Variants in DYM observed in about 807,000 individuals in gnomAD.
The protein encoded by DYM is dyggve-Melchior-Clausen syndrome protein.
DYM carries 78 observed loss-of-function variants against 93.1 expected under a neutral mutation model. The observed-to-expected ratio is 0.84, with a 90% CI of 0.70 to 1.01. DYM has a LOEUF of 1.01. Among genes scored for constraint, DYM ranks in the 50% least tolerant of loss-of-function variants. DYM has a pLI of 0.00. For missense variants in DYM, 789 were observed against 845.0 expected, an observed-to-expected ratio of 0.93 and a Z score of 0.82; for synonymous variants, 321 against 319.7, an observed-to-expected ratio of 1.00 and a Z score of -0.04.
intron 15 of DYM, among the ~76,000 whole-genome samples, chr18:49,136,247 A>G (rs932070711): frequency 6.6e-6 from 1 of 152,204 alleles, no homozygotes; most frequent in African/African-American, 2.4e-5. Flanking sequence ...AATCCTTACT[A>G]CAGCAAGTGT....
chr18:49,418,606 A>T lies in DYM; in HGVS notation c.140+11649T>A, dbSNP rs375141958. 3.3e-5 allele frequency among the ~76,000 whole-genome samples: 5 copies of T among 152,350 alleles called. No homozygotes were observed. The East Asian group carries it at 7.7e-4, about 23-fold the overall frequency. On this transcript the variant is annotated intron_variant, in intron 2 of 17. Coordinates refer to ENST00000675505, the MANE Select transcript of DYM (RefSeq NM_001353214.3). Reference sequence around the variant, plus strand: ...TATTAGTATTTCTAAAAATTGCAGCAAACATCGATTTTTGGCTACAAAAAT... The same window carrying T: ...TATTAGTATTTCTAAAAATTGCAGCTAACATCGATTTTTGGCTACAAAAAT...
chr18:49,263,235 C>T (rs1232967885), intron 11 of DYM, among the ~76,000 whole-genome samples: 5 of 151,692 alleles, frequency 3.3e-5, no homozygotes, highest in African/African-American at 4.8e-5. Context: ...TCTCCTGCCT[C>T]GGCCTCCTGA....
intron 17 of DYM, among the ~76,000 whole-genome samples, chr18:49,095,144 T>C (rs540126994): frequency 4.6e-5 from 7 of 152,340 alleles, no homozygotes; most frequent in Admixed American, 6.5e-5. Context: ...TATAATGTGC[T>C]GTCATGTAGT....
At chr18:49,214,758 G>C (rs543517888) in intron 13 of DYM, among the ~76,000 whole-genome samples, 1 of 152,200 alleles carries the variant, frequency 6.6e-6, no homozygotes, top group South Asian at 2.1e-4. Flanking sequence ...AATTACATTA[G>C]CATAACTGAA....
At chr18:49,235,109 C>T in intron 13 of DYM, among the ~76,000 whole-genome samples, 1 of 152,160 alleles carries the variant, frequency 6.6e-6, no homozygotes, top group East Asian at 1.9e-4. Flanking sequence ...ACAGAGAAAC[C>T]AGCAGAGCCA....
At chr18:49,202,572 A>G (rs1358862053) in intron 14 of DYM, among the ~76,000 whole-genome samples, 1 of 117,806 alleles carries the variant, frequency 8.5e-6, no homozygotes, top group African/African-American at 3.3e-5. Context: ...AGCCGCCATC[A>G]CATCTAGGAA....
rs1456321360 is a variant in DYM at position 49,202,939 on chromosome 18, T to A, written c.1625+6612A>T. 1.2e-4 allele frequency among the ~76,000 whole-genome samples: 15 copies of A among 128,338 alleles called. No individual in the cohort carries two copies. In the South Asian group the frequency reaches 4.2e-3, roughly 36 times the overall value. 84.2% of individuals were successfully genotyped at this position (128,338 alleles called of 152,430 possible). ...GCCCCCCGCCTGGCCAGCCGCCCCATCCGGGAGGGAGGTGAGGGGTCAGCC... is the reference window on the plus strand; with the variant it reads ...GCCCCCCGCCTGGCCAGCCGCCCCAACCGGGAGGGAGGTGAGGGGTCAGCC... On this transcript the variant is annotated intron_variant, in intron 14 of 17. Transcript: ENST00000675505.
At chr18:49,203,520 C>G (rs1369506255) in intron 14 of DYM, among the ~76,000 whole-genome samples, 2 of 147,232 alleles carry the variant, frequency 1.4e-5, no homozygotes, top group Non-Finnish European at 3.0e-5. Context: ...AAAAATTCCT[C>G]TGCCTTGGGA....
chr18:49,247,314 A>G (rs1291875555), intron 13 of DYM, among the ~76,000 whole-genome samples: 1 of 152,208 alleles, frequency 6.6e-6, no homozygotes, highest in East Asian at 1.9e-4. Flanking sequence ...GTAATAATTT[A>G]TGATAAAAAA....
In DYM at chr18:49,329,703, G is replaced by A. The variant is rs569773093; in HGVS notation, c.763+2161C>T. 6.6e-5 allele frequency: 10 copies of A among 152,260 alleles called. No individual in the cohort carries two copies. In the East Asian group the frequency reaches 1.9e-3, roughly 29 times the overall value. 9.4% of individuals were successfully genotyped at this position (152,260 alleles called of 1,614,324 possible). A position where few individuals can be genotyped will look rare whatever the true frequency, so the allele number is the denominator to read the frequency against. ...GAACTGTAAGGTTTTCTACAACAAGGCACTCTGTTTCAAAGGAAATAATGT... is the reference window on the plus strand; with the variant it reads ...GAACTGTAAGGTTTTCTACAACAAGACACTCTGTTTCAAAGGAAATAATGT... On this transcript the variant is annotated intron_variant, in intron 8 of 17. Coordinates refer to ENST00000675505, the MANE Select transcript of DYM (RefSeq NM_001353214.3).
chr18:49,063,468 C>T (rs896256522), intron 17 of DYM, among the ~76,000 whole-genome samples: 9 of 151,948 alleles, frequency 5.9e-5, no homozygotes, highest in African/African-American at 2.2e-4. Flanking sequence ...TGGTTTAGGA[C>T]AGTCACTGTT....
At chr18:49,119,053 T>C in intron 15 of DYM, 127 bp from the exon 16 acceptor site, 1 of 787,406 alleles carries the variant, frequency 1.3e-6, no homozygotes, top group Non-Finnish European at 2.1e-6. Context: ...AAGAAGCTCA[T>C]CAAGATTATT....
chr18:49,270,554 A>C (rs1321493774), intron 11 of DYM, among the ~76,000 whole-genome samples: 1 of 152,162 alleles, frequency 6.6e-6, no homozygotes, highest in Non-Finnish European at 1.5e-5. Flanking sequence ...TTTTTGCCAA[A>C]GGAGAGTATC....
rs1166905352 is a variant in DYM at position 49,042,691 on chromosome 18, A to G, written c.*1364T>C. 6.6e-6 allele frequency: 1 copy of G among 152,240 alleles called. No homozygotes were observed. Among genetic ancestry groups the G allele is most frequent in the Non-Finnish European group, 1.5e-5 (1 of 68,046 alleles). 9.4% of individuals were successfully genotyped at this position (152,240 alleles called of 1,614,324 possible). On this transcript the variant is annotated 3_prime_UTR_variant, in exon 18 of 18. Transcript: ENST00000675505. ...TTGTGCTTTCTATGTTGAAGACCAAATACTTTTTCTTTGAGAATGAAACTA... is the reference window on the plus strand; with the variant it reads ...TTGTGCTTTCTATGTTGAAGACCAAGTACTTTTTCTTTGAGAATGAAACTA...
intron 8 of DYM, among the ~76,000 whole-genome samples, chr18:49,308,447 G>A (rs984821687): frequency 6.6e-6 from 1 of 152,130 alleles, no homozygotes; most frequent in African/African-American, 2.4e-5. Context: ...GATAGAGACA[G>A]ATGGTATCAT....
At position 49,160,338 on chromosome 18, in the gene DYM, T is replaced by A. The variant is rs9807268; in HGVS notation, c.1728+3347A>T. Among the ~76,000 whole-genome samples, 1,136 of 152,314 alleles carry A rather than the reference T, an allele frequency of 7.5e-3. 8 individuals carry two copies. Among genetic ancestry groups the A allele is most frequent in the Non-Finnish European group, 0.012 (843 of 68,018 alleles). ...AGTTGCACTAAAGTACTAATACTAATGTTTTTGGAACTTGCGATTAGCTTT... is the reference window on the plus strand; with the variant it reads ...AGTTGCACTAAAGTACTAATACTAAAGTTTTTGGAACTTGCGATTAGCTTT... On this transcript the variant is annotated intron_variant, in intron 15 of 17. Coordinates refer to ENST00000675505, the MANE Select transcript of DYM (RefSeq NM_001353214.3).
chr18:49,200,041 G>C (rs2091867400), intron 14 of DYM, among the ~76,000 whole-genome samples: 1 of 151,998 alleles, frequency 6.6e-6, no homozygotes, highest in Non-Finnish European at 1.5e-5. Context: ...AATAAACCAT[G>C]GGAGAAATTC....
chr18:49,340,931 G>A lies in DYM; in HGVS notation c.495-7078C>T, dbSNP rs954733474. Among the ~76,000 whole-genome samples, 3 of 152,308 alleles carry A rather than the reference G, an allele frequency of 2.0e-5. No homozygotes were observed. The East Asian group carries it at 5.8e-4, about 29-fold the overall frequency. On this transcript the variant is annotated intron_variant, in intron 6 of 17. Transcript: ENST00000675505. ...AAATGTAGCACCCAGAGATGGTGAT[G>A]CCATTAACTAAATCAAGGACACAGG...
intron 15 of DYM, among the ~76,000 whole-genome samples, chr18:49,149,542 T>A (rs2085567817): frequency 1.3e-5 from 2 of 152,122 alleles, no homozygotes; most frequent in African/African-American, 2.4e-5. Context: ...CACCTATGTA[T>A]GAAATTATTA....
Sources: gnomAD v4.1 joint callset for allele counts (sites outside exome capture counted in the v4.1 genomes callset) on GRCh38, gnomAD v4.1.1 for gene constraint, MANE v1.5 for transcripts, NCBI Gene and HGNC (gene_info 2026-07-23, HGNC 2026-07-21) for gene names.